ARHGEF7: variants seen among roughly 807,000 people sequenced by gnomAD.
ARHGEF7 encodes the protein Rho guanine nucleotide exchange factor 7.
A neutral mutation model predicts 109.8 loss-of-function variants in ARHGEF7; 33 were observed. The ratio of observed to expected loss-of-function variants is 0.30; its 90% CI spans 0.23 to 0.40. The LOEUF (loss-of-function observed/expected upper bound fraction) is 0.40. Among genes scored for constraint, ARHGEF7 ranks in the 10% least tolerant of loss-of-function variants. The pLI is 1.00. For synonymous variants in ARHGEF7, 458 were observed against 424.6 expected (o/e 1.08, Z -0.97); for missense variants, 938 against 1,098.5 (o/e 0.85, Z 2.07).
chr13:111,143,227 C>T (rs1489427623), intron 1 of ARHGEF7, among the ~76,000 whole-genome samples: 7 of 152,174 alleles, frequency 4.6e-5, no homozygotes, highest in Non-Finnish European at 8.8e-5. Context: ...AGAGTAGATA[C>T]AGGAGGCAGC....
rs1322823444 is a variant in ARHGEF7 at position 111,221,345 on chromosome 13, A to G, written c.670+3465A>G. Among the ~76,000 whole-genome samples the G allele has an allele frequency of 6.7e-5, 2 of 29,912 alleles. 1 individual carries two copies. Among genetic ancestry groups the G allele is most frequent in the Admixed American group, 8.8e-4 (2 of 2,274 alleles). 19.6% of individuals were successfully genotyped at this position (29,912 alleles called of 152,430 possible). ...GATATATATGTCTATATATATCTAT[A>G]TATATGTCTATATATATATCTATAT... is the stretch of plus-strand genomic sequence containing the variant. On this transcript the variant is annotated intron_variant, in intron 5 of 21. Transcript: ENST00000646102.
intron 8 of ARHGEF7, among the ~76,000 whole-genome samples, chr13:111,254,599 C>T (rs1338015178): frequency 6.7e-5 from 10 of 149,418 alleles, no homozygotes; most frequent in Non-Finnish European, 8.9e-5. Context: ...GAAGAGGATT[C>T]GGGCTAAGGC....
chr13:111,148,087 T>C (rs893441830), intron 1 of ARHGEF7, among the ~76,000 whole-genome samples: 1 of 152,208 alleles, frequency 6.6e-6, no homozygotes, highest in Non-Finnish European at 1.5e-5. Flanking sequence ...TAGTGCTGAG[T>C]CTACATCTCC....
chr13:111,274,211 A>G (rs188488969), intron 10 of ARHGEF7, among the ~76,000 whole-genome samples: 2 of 152,344 alleles, frequency 1.3e-5, no homozygotes, highest in East Asian at 3.9e-4. Flanking sequence ...ATTTTCAGAT[A>G]GTGTTGAGAT....
chr13:111,179,967 G>A (rs1232840023), intron 2 of ARHGEF7, among the ~76,000 whole-genome samples: 2 of 152,150 alleles, frequency 1.3e-5, no homozygotes, highest in Non-Finnish European at 2.9e-5. Context: ...TCGGTTATAA[G>A]GGTGCCTTTC....
At chr13:111,293,768 C>A in intron 19 of ARHGEF7, 8 of 985,398 alleles carry the variant, frequency 8.1e-6, no homozygotes, top group Non-Finnish European at 9.6e-6. Flanking sequence ...TGATTTCTTT[C>A]TTCCCCACTG....
intron 8 of ARHGEF7, 145 bp downstream of exon 8, chr13:111,244,439 G>T: frequency 1.7e-6 from 1 of 594,488 alleles, no homozygotes; most frequent in Non-Finnish European, 2.9e-6. Flanking sequence ...AGCTTTTACA[G>T]TAAAAGCTGT....
chr13:111,288,314 C>T (rs1408507005), intron 17 of ARHGEF7, 40 bp from the exon 18 acceptor site: 2 of 1,495,996 alleles, frequency 1.3e-6, no homozygotes, highest in South Asian at 1.2e-5. Context: ...CCCTAGAGGC[C>T]TTTCAGTTCG....
intron 6 of ARHGEF7, among the ~76,000 whole-genome samples, chr13:111,235,286 A>G (rs970803635): frequency 2.6e-5 from 4 of 152,262 alleles, no homozygotes; most frequent in African/African-American, 7.2e-5. Context: ...TTATAAAACC[A>G]GGCAACCATG....
At chr13:111,245,903 A>G (rs1470503147) in intron 8 of ARHGEF7, among the ~76,000 whole-genome samples, 1 of 152,262 alleles carries the variant, frequency 6.6e-6, no homozygotes, top group Non-Finnish European at 1.5e-5. Flanking sequence ...CATTTATTTA[A>G]GAACATGTTC....
intron 1 of ARHGEF7, among the ~76,000 whole-genome samples, chr13:111,129,840 C>A (rs1000428936): frequency 6.6e-6 from 1 of 152,246 alleles, no homozygotes; most frequent in Admixed American, 6.5e-5. Flanking sequence ...AGTAAACATA[C>A]ATCTACCAAA....
At chr13:111,182,266 C>T (rs1275427963) in intron 2 of ARHGEF7, 1 of 152,418 alleles carries the variant, frequency 6.6e-6, no homozygotes, top group Non-Finnish European at 1.5e-5. Flanking sequence ...AGACTCTTTT[C>T]CTCTGTACCT....
intron 4 of ARHGEF7, among the ~76,000 whole-genome samples, chr13:111,216,538 G>A (rs957748449): frequency 1.3e-5 from 2 of 151,966 alleles, no homozygotes; most frequent in Non-Finnish European, 1.5e-5. Flanking sequence ...GGGGATAGAG[G>A]CCTGGACTCT....
At chr13:111,158,946 C>T in intron 2 of ARHGEF7, 1 of 712,508 alleles carries the variant, frequency 1.4e-6, no homozygotes, top group Non-Finnish European at 2.6e-6. Context: ...ACCTGCTGTA[C>T]AATAGATCAC....
At chr13:111,130,649 T>C (rs754874171) in intron 1 of ARHGEF7, among the ~76,000 whole-genome samples, 1 of 152,152 alleles carries the variant, frequency 6.6e-6, no homozygotes, top group Non-Finnish European at 1.5e-5. Context: ...CGCATACTAT[T>C]TAGTGGGGGA....
intron 1 of ARHGEF7, among the ~76,000 whole-genome samples, chr13:111,118,034 G>A (rs2066916935): frequency 6.6e-6 from 1 of 152,246 alleles, no homozygotes; most frequent in Non-Finnish European, 1.5e-5. Flanking sequence ...CAGGGGCTTC[G>A]CTTGACCTCT....
Position 111,275,660 on chromosome 13 carries a change from T to G in ARHGEF7, c.1401T>G (p.Ile467Met). 1 of 1,614,118 alleles carries G rather than the reference T, an allele frequency of 6.2e-7. No individual in the cohort carries two copies. The highest frequency in any genetic ancestry group is 8.5e-7 in the Non-Finnish European group (1 of 1,180,004). ...TCACTTACATGTCCCAGGTCCTGATTCAGTGTGCCGGAAGTGAGGTACTGC... is the reference window on the plus strand; with the variant it reads ...TCACTTACATGTCCCAGGTCCTGATGCAGTGTGCCGGAAGTGAGGTACTGC... Reference protein sequence around the residue: ...GNVTYMSQVLIQCAGSEEKNE... With the variant: ...GNVTYMSQVLMQCAGSEEKNE... Residue 467 changes from isoleucine (I) to methionine (M), a missense_variant, in exon 12 of 22, where the codon ATT (isoleucine) becomes ATG (methionine). Physicochemically the swap from Ile to Met is conservative, Grantham distance 10. Around this residue, in one of 4 missense-constraint regions of ARHGEF7, gnomAD observed 585 missense variants for 723.6 expected, o/e 0.81. Coordinates refer to ENST00000646102, the MANE Select transcript of ARHGEF7 (RefSeq NM_001354046.2).
rs2092868288 is a variant in ARHGEF7 at position 111,283,276 on chromosome 13, G to A, written c.1863G>A (p.Glu621=). 1.9e-6 allele frequency: 3 copies of A among 1,580,160 alleles called. No individual in the cohort carries two copies. The highest frequency in any genetic ancestry group is 4.6e-5 in the East Asian group (2 of 43,548). Residue 621 remains glutamate, a synonymous_variant, in exon 16 of 22, where the codon GAG becomes GAA. Coordinates refer to ENST00000646102, the MANE Select transcript of ARHGEF7 (RefSeq NM_001354046.2). The part of the protein sequence containing the change: ...PHTTINWGPL[E]PPKTPKPWSL... ...CCACCATCAACTGGGGACCCCTGGA[G>A]CCTCCGAAAACACCCAAGCCCTGGA...
At chr13:111,250,115 C>A (rs1385064139) in intron 8 of ARHGEF7, among the ~76,000 whole-genome samples, 1 of 152,174 alleles carries the variant, frequency 6.6e-6, no homozygotes, top group Non-Finnish European at 1.5e-5. Context: ...AATCACAGTT[C>A]TTCCTTTCAT....
Sources: allele counts gnomAD v4.1 joint callset (sites outside exome capture counted in the v4.1 genomes callset), GRCh38; gene constraint gnomAD v4.1.1; regional missense constraint gnomAD v4.1.1; transcripts MANE v1.5; gene names NCBI Gene and HGNC (gene_info 2026-07-23, HGNC 2026-07-21).